Variants in PIKFYVE observed in about 807,000 individuals in gnomAD.
PIKFYVE encodes 1-phosphatidylinositol 3-phosphate 5-kinase.
Under a neutral mutation model 257.9 loss-of-function variants are expected in PIKFYVE, and 122 were observed. The observed-to-expected ratio is 0.47, with a 90% CI of 0.41 to 0.55. The LOEUF (loss-of-function observed/expected upper bound fraction) is 0.55. PIKFYVE is among the 20% of genes least tolerant of loss of function. The pLI, the probability that PIKFYVE is intolerant of heterozygous loss-of-function variation, is 0.00. For synonymous variants in PIKFYVE, 892 were observed against 868.9 expected (o/e 1.03, Z -0.47); for missense variants, 2,160 against 2,536.6 (o/e 0.85, Z 3.19).
At chr2:208,318,879 A>G (rs1293265988) in intron 16 of PIKFYVE, among the ~76,000 whole-genome samples, 1 of 140,348 alleles carries the variant, frequency 7.1e-6, no homozygotes, top group East Asian at 2.3e-4. Flanking sequence ...TGAACCTTGG[A>G]GGCGAAGGTT....
chr2:208,271,332 G>A (rs1313937791), intron 1 of PIKFYVE, among the ~76,000 whole-genome samples, 179 bp from the exon 2 acceptor site: 3 of 152,166 alleles, frequency 2.0e-5, no homozygotes, highest in African/African-American at 4.8e-5. Flanking sequence ...GGGCTCTTAT[G>A]ATTTAGATAG....
intron 32 of PIKFYVE, among the ~76,000 whole-genome samples, chr2:208,343,487 C>T (rs1437163127): frequency 6.6e-6 from 1 of 152,200 alleles, no homozygotes; most frequent in Non-Finnish European, 1.5e-5. Flanking sequence ...TTTTCCTGTA[C>T]ATACATACCT....
chr2:208,285,288 G>A (rs1370211293), intron 5 of PIKFYVE, among the ~76,000 whole-genome samples: 2 of 152,072 alleles, frequency 1.3e-5, no homozygotes, highest in Non-Finnish European at 2.9e-5. Context: ...TAGAGATGGG[G>A]TTTCACCATG....
At chr2:208,351,644 T>C (rs558861946) in intron 38 of PIKFYVE, among the ~76,000 whole-genome samples, 189 bp downstream of exon 38, 3 of 152,222 alleles carry the variant, frequency 2.0e-5, no homozygotes, top group Admixed American at 2.0e-4. Context: ...TGGCGGCGTC[T>C]GTTTCTGGTG....
intron 15 of PIKFYVE, among the ~76,000 whole-genome samples, chr2:208,316,426 G>A (rs1695525327): frequency 6.6e-6 from 1 of 151,910 alleles, no homozygotes; most frequent in African/African-American, 2.4e-5. Flanking sequence ...GGTATTTCTA[G>A]TTCTAGATCC....
At chr2:208,283,128 G>A (rs915217441) in intron 5 of PIKFYVE, among the ~76,000 whole-genome samples, 2 of 152,110 alleles carry the variant, frequency 1.3e-5, no homozygotes, top group African/African-American at 2.4e-5. Context: ...GGGGACCCCT[G>A]GGGTAATATA....
intron 9 of PIKFYVE, among the ~76,000 whole-genome samples, chr2:208,301,769 T>C (rs1693713867): frequency 6.6e-6 from 1 of 152,174 alleles, no homozygotes; most frequent in Non-Finnish European, 1.5e-5. Context: ...GATGAAATAA[T>C]AGTGGCTGAA....
intron 24 of PIKFYVE, 118 bp downstream of exon 24, chr2:208,333,611 T>C: frequency 9.2e-7 from 1 of 1,081,304 alleles, no homozygotes; most frequent in Non-Finnish European, 1.4e-6. Flanking sequence ...ATTTATACCC[T>C]TATAAATGCA....
At chr2:208,286,042 G>A (rs1213276066) in intron 6 of PIKFYVE, 109 bp downstream of exon 6, 1 of 1,094,412 alleles carries the variant, frequency 9.1e-7, no homozygotes, top group Non-Finnish European at 1.3e-6. Context: ...TTTCCTGTCA[G>A]TTCACTGTGT....
intron 5 of PIKFYVE, 34 bp from the exon 6 acceptor site, chr2:208,285,692 T>C: frequency 6.4e-7 from 1 of 1,570,826 alleles, no homozygotes; most frequent in East Asian, 2.2e-5. Context: ...TTTCCTTCAA[T>C]TTCCTTGTTT....
rs1171912492 is a variant in PIKFYVE, at chr2:208,358,337, T to G, written c.*3032T>G. ...AACGGACCAGGCCATTCATTATTCC[T>G]CAAGTGTTAATATACTGACTTATGC... On this transcript the variant is annotated 3_prime_UTR_variant, in exon 42 of 42. Coordinates refer to ENST00000264380, the MANE Select transcript of PIKFYVE (RefSeq NM_015040.4). The G allele has an allele frequency of 6.6e-6, 1 of 152,344 alleles. No homozygotes were observed. Among genetic ancestry groups the G allele is most frequent in the Non-Finnish European group, 1.5e-5 (1 of 67,992 alleles). 9.4% of individuals were successfully genotyped at this position (152,344 alleles called of 1,614,324 possible).
At chr2:208,349,511 T>TG (rs1408892903) in intron 35 of PIKFYVE, among the ~76,000 whole-genome samples, 2 of 149,864 alleles carry the variant, frequency 1.3e-5, no homozygotes, top group East Asian at 3.9e-4. Flanking sequence ...TAATTATGTA[T>TG]GTTATATAAT....
In PIKFYVE at chr2:208,335,355, T is replaced by C; in HGVS notation, c.4192T>C (p.Phe1398Leu). 1.2e-6 allele frequency: 2 copies of C among 1,613,086 alleles called. No homozygotes were observed. Among genetic ancestry groups the C allele is most frequent in the Admixed American group, 1.7e-5 (1 of 60,022 alleles). Residue 1398 changes from phenylalanine (F) to leucine (L), a missense_variant, in exon 25 of 42, where the codon TTC becomes CTC. Physicochemically the swap from Phe to Leu is conservative, Grantham distance 22. Coordinates refer to ENST00000264380, the MANE Select transcript of PIKFYVE (RefSeq NM_015040.4). The part of the protein sequence containing the change: ...LEVCVPLPKI[F>L]IKRQAPLKVS... ...AGTATGTGTTCCACTCCCCAAAATA[T>C]TCATTAAGCGTCAGGCCCCATTAAA...
intron 7 of PIKFYVE, among the ~76,000 whole-genome samples, chr2:208,295,605 T>A (rs1162899982): frequency 1.3e-5 from 2 of 152,200 alleles, no homozygotes; most frequent in Admixed American, 1.3e-4. Context: ...ATGATTAGAT[T>A]TGGGCTGTGG....
chr2:208,273,215 C>G (rs1191946583), intron 2 of PIKFYVE, among the ~76,000 whole-genome samples: 1 of 152,150 alleles, frequency 6.6e-6, no homozygotes, highest in Admixed American at 6.6e-5. Context: ...CAAGAAATTT[C>G]TAATGAAAAG....
chr2:208,321,578 T>TTC (rs749144294), intron 17 of PIKFYVE, among the ~76,000 whole-genome samples: 174 of 1,712 alleles, frequency 0.1, 46 homozygotes, highest in East Asian at 0.23. Context: ...TTCTTTTGTT[T>TTC]TTTTTTTTTT....
intron 32 of PIKFYVE, among the ~76,000 whole-genome samples, chr2:208,342,943 C>T (rs1377271158): frequency 3.3e-5 from 5 of 152,044 alleles, no homozygotes; most frequent in Non-Finnish European, 7.4e-5. Flanking sequence ...TACAGACACA[C>T]ACCACCATGC....
At chr2:208,267,511 T>TTTG (rs1208650022) in intron 1 of PIKFYVE, among the ~76,000 whole-genome samples, 3 of 145,324 alleles carry the variant, frequency 2.1e-5, no homozygotes, top group Non-Finnish European at 3.0e-5. Context: ...AGTTTTTTTT[T>TTTG]TTTTTTTTTT....
At chr2:208,316,132 T>A (rs952229520) in intron 15 of PIKFYVE, among the ~76,000 whole-genome samples, 38 of 149,800 alleles carry the variant, frequency 2.5e-4, no homozygotes, top group African/African-American at 8.6e-4. Context: ...GGTGTTTGGT[T>A]TTTTGTCCTT....
Sources: gnomAD v4.1 joint callset for allele counts (sites outside exome capture counted in the v4.1 genomes callset) on GRCh38, gnomAD v4.1.1 for gene constraint, MANE v1.5 for transcripts, NCBI Gene and HGNC (gene_info 2026-07-23, HGNC 2026-07-21) for gene names.